ANTXRL: variants seen among roughly 807,000 people sequenced by gnomAD.
The protein encoded by ANTXRL is anthrax toxin receptor-like.
Under a neutral mutation model 75.4 loss-of-function variants are expected in ANTXRL, and 63 were observed. That is an observed-to-expected ratio of 0.84 (90% CI 0.68 to 1.03). The LOEUF (loss-of-function observed/expected upper bound fraction) is 1.03, where lower values mean the gene tolerates loss of function less well. Ranked by LOEUF, ANTXRL falls within the 50% of genes least tolerant of loss-of-function variation. The probability of loss-of-function intolerance (pLI) is 0.00; values close to 1 mark genes in which losing one functional copy is unlikely to be tolerated. For synonymous variants in ANTXRL, 335 were observed against 291.3 expected, an observed-to-expected ratio of 1.15 and a Z score of -1.53; for missense variants, 797 against 789.4, an observed-to-expected ratio of 1.01 and a Z score of -0.12.
chr10:46,290,580 A>G (rs1296820841), intron 1 of ANTXRL, among the ~76,000 whole-genome samples: 19 of 152,170 alleles, frequency 1.2e-4, no homozygotes, highest in Admixed American at 1.3e-4. Context: ...CCCACCAACA[A>G]AAGCCCAACA....
chr10:46,307,612 G>T, intron 12 of ANTXRL, 132 bp downstream of exon 12: 2 of 865,326 alleles, frequency 2.3e-6, no homozygotes, highest in Non-Finnish European at 3.6e-6. Flanking sequence ...ACCTGAGGCT[G>T]CTCCAACCCG....
intron 9 of ANTXRL, among the ~76,000 whole-genome samples, chr10:46,299,414 C>T (rs1837582033): frequency 6.6e-6 from 1 of 152,132 alleles, no homozygotes; most frequent in Admixed American, 6.5e-5. Flanking sequence ...TGTGACAGTC[C>T]TGTGTGGGCC....
chr10:46,305,543 T>A (rs1267161832), intron 10 of ANTXRL, among the ~76,000 whole-genome samples: 1 of 152,126 alleles, frequency 6.6e-6, no homozygotes, highest in Non-Finnish European at 1.5e-5. Context: ...AGGTTGGCTA[T>A]GCAGTTAATG....
chr10:46,290,902 T>C (rs75147152), intron 1 of ANTXRL, among the ~76,000 whole-genome samples: 25,926 of 151,826 alleles, frequency 0.17, 1,911 homozygotes, highest in South Asian at 0.21. Flanking sequence ...TTTTCACTCC[T>C]TTGGTAGTGT....
In ANTXRL at chr10:46,317,410, T is replaced by C. The variant is rs531724929; in HGVS notation, c.1410+4094T>C. On this transcript the variant is annotated intron_variant, in intron 16 of 16. Coordinates refer to ENST00000620264, the MANE Select transcript of ANTXRL (RefSeq NM_001278688.3). The stretch of plus-strand genomic sequence containing the variant: ...AGACCTCCTTCTAAATTCGTACTCA[T>C]GTTTGCTGGGATAGTTGTTCTGGGT... Among the ~76,000 whole-genome samples the C allele has an allele frequency of 2.0e-4, 31 of 152,300 alleles. No individual in the cohort carries two copies. The South Asian group carries it at 5.2e-3, about 25-fold the overall frequency.
chr10:46,294,386 G>C (rs1554957910), intron 3 of ANTXRL, among the ~76,000 whole-genome samples: 1 of 152,102 alleles, frequency 6.6e-6, no homozygotes, highest in Non-Finnish European at 1.5e-5. Context: ...GAGCCCCTGG[G>C]TGGGGTTCTG....
Position 46,297,486 on chromosome 10 carries a change from C to T in ANTXRL, c.654+12C>T, listed in dbSNP as rs1554959178. On this transcript the variant is annotated intron_variant, in intron 7 of 16. Coordinates refer to ENST00000620264, the MANE Select transcript of ANTXRL (RefSeq NM_001278688.3). ...ATAATCTGGATCAGGTAATTCCAAG[C>T]AGGTAACCAGGCGCCACTTTCAAGC... 3.3e-6 allele frequency: 5 copies of T among 1,534,878 alleles called. No homozygotes were observed. In the Middle Eastern group the frequency reaches 5.3e-4, roughly 162 times the overall value.
In ANTXRL at chr10:46,296,323, G is replaced by A. The variant is rs1837375136; in HGVS notation, c.508+71G>A. ...CTGGGTGTGAGCCTCAGAGAGCTCT[G>A]TGTGCAGAATCTGCAAGGCCACACC... On this transcript the variant is annotated intron_variant, in intron 5 of 16. Transcript: ENST00000620264. 94 of 1,502,240 alleles carry A rather than the reference G, an allele frequency of 6.3e-5. No individual in the cohort carries two copies. In the South Asian group the frequency reaches 1.1e-3, roughly 17 times the overall value. 93.1% of individuals were successfully genotyped at this position (1,502,240 alleles called of 1,614,324 possible).
chr10:46,328,684 C>T (rs782446939), intron 16 of ANTXRL, among the ~76,000 whole-genome samples: 5 of 151,706 alleles, frequency 3.3e-5, no homozygotes, highest in Non-Finnish European at 5.9e-5. Context: ...TTTGTTACAT[C>T]GGTAAATATG....
At chr10:46,324,897 G>A (rs1839141957) in intron 16 of ANTXRL, among the ~76,000 whole-genome samples, 1 of 152,108 alleles carries the variant, frequency 6.6e-6, no homozygotes, top group Non-Finnish European at 1.5e-5. Context: ...CTGGATCACT[G>A]TTACATAGTA....
chr10:46,293,437 T>G (rs1480995757), intron 2 of ANTXRL, among the ~76,000 whole-genome samples: 1 of 145,196 alleles, frequency 6.9e-6, no homozygotes, highest in East Asian at 2.0e-4. Flanking sequence ...CGTGTATGGG[T>G]GCATGTGTAT....
At chr10:46,317,002 C>A (rs1183056576) in intron 16 of ANTXRL, among the ~76,000 whole-genome samples, 1 of 152,154 alleles carries the variant, frequency 6.6e-6, no homozygotes, top group African/African-American at 2.4e-5. Context: ...AGGGTTAGTT[C>A]CCACCTTGCA....
At chr10:46,329,075 C>T (rs1554966992) in intron 16 of ANTXRL, among the ~76,000 whole-genome samples, 1 of 152,096 alleles carries the variant, frequency 6.6e-6, no homozygotes, top group African/African-American at 2.4e-5. Context: ...AGTGTGTGCC[C>T]AAGATGAAAG....
intron 9 of ANTXRL, among the ~76,000 whole-genome samples, chr10:46,301,523 AG>A (rs1390153368): frequency 1.3e-5 from 2 of 152,170 alleles, no homozygotes; most frequent in Non-Finnish European, 2.9e-5. Context: ...GTCAGCGTTG[AG>A]GGCCTTGGAG....
chr10:46,322,587 C>A (rs1043981389), intron 16 of ANTXRL, among the ~76,000 whole-genome samples: 1 of 151,980 alleles, frequency 6.6e-6, no homozygotes, highest in Admixed American at 6.6e-5. Flanking sequence ...AACTTTGAAA[C>A]AGTCATCCCA....
intron 1 of ANTXRL, among the ~76,000 whole-genome samples, chr10:46,291,548 G>T (rs181742645): frequency 3.9e-5 from 6 of 152,170 alleles, no homozygotes; most frequent in Admixed American, 3.9e-4. Flanking sequence ...TCATAAGCAT[G>T]CAATATCTTT....
At position 46,311,589 on chromosome 10, in the gene ANTXRL, C is replaced by T. The variant is rs1241826197; in HGVS notation, c.1253C>T (p.Ala418Val). ...CCTCCACTCCCGCCTCCGCCCCCAG[C>T]TCCTGTAAACACCTGCCCCACTGTG... ...PPPPLPPPPP[A>V]PVNTCPTVII... Residue 418 changes from alanine to valine, a missense_variant, in exon 15 of 17, where the codon GCT becomes GTT. Ala to Val is a moderately conservative substitution (Grantham distance 64, BLOSUM62 0). Around this residue, in one of 3 missense-constraint regions of ANTXRL, gnomAD observed 479 missense variants for 422.0 expected, o/e 1.14. Coordinates refer to ENST00000620264, the MANE Select transcript of ANTXRL (RefSeq NM_001278688.3). The T allele has an allele frequency of 2.1e-6, 3 of 1,461,206 alleles. No homozygotes were observed. The highest frequency in any genetic ancestry group is 2.4e-5 in the South Asian group (2 of 82,558). 90.5% of individuals were successfully genotyped at this position (1,461,206 alleles called of 1,614,324 possible).
At chr10:46,311,173 C>T (rs1342595158) in intron 14 of ANTXRL, among the ~76,000 whole-genome samples, 38 of 152,178 alleles carry the variant, frequency 2.5e-4, no homozygotes, top group Admixed American at 1.2e-3. Flanking sequence ...GTGGCCTCTG[C>T]GGTGCTGCAG....
chr10:46,287,341 G>A lies in ANTXRL; in HGVS notation c.79G>A (p.Ala27Thr), dbSNP rs781842150. Residue 27 changes from alanine to threonine, a missense_variant, in exon 1 of 17, where the codon GCA becomes ACA. Physicochemically the swap from Ala to Thr is moderately conservative, Grantham distance 58. This residue lies in a region of ANTXRL where 262 missense variants were observed against 271.9 expected (regional missense o/e 0.96). Coordinates refer to ENST00000620264, the MANE Select transcript of ANTXRL (RefSeq NM_001278688.3). Reference protein sequence around the residue: ...LLLLPPPLFRAGSLRYHGPDW... With the variant: ...LLLLPPPLFRTGSLRYHGPDW... Reference sequence around the variant, plus strand: ...GCTGCTTCCTCCACCGCTTTTTAGAGCAGGAAGCCTTCGGTACCATGGACC... The same window carrying A: ...GCTGCTTCCTCCACCGCTTTTTAGAACAGGAAGCCTTCGGTACCATGGACC... The A allele has an allele frequency of 2.0e-5, 30 of 1,535,898 alleles. No homozygotes were observed. Among genetic ancestry groups the A allele is most frequent in the Non-Finnish European group, 2.4e-5 (27 of 1,146,778 alleles).
Sources: gnomAD v4.1 joint callset for allele counts (sites outside exome capture counted in the v4.1 genomes callset) on GRCh38, gnomAD v4.1.1 for gene constraint, gnomAD v4.1.1 regional missense constraint, MANE v1.5 for transcripts, NCBI Gene and HGNC (gene_info 2026-07-23, HGNC 2026-07-21) for gene names.